Variants in LRTM3 observed in about 807,000 individuals in gnomAD.
LRTM3 encodes the protein leucine-rich repeat transmembrane protein 3.
At chr13:102,750,652 T>C in the LRTM3 span, among the ~76,000 whole-genome samples, 2 of 152,118 alleles carry the variant, frequency 1.3e-5, no homozygotes, top group African/African-American at 2.4e-5. Flanking sequence ...TTTGACAAGA[T>C]TGGGTCAAAG....
chr13:102,729,725 T>C, the LRTM3 span: 1 of 1,552,034 alleles, frequency 6.4e-7, no homozygotes, highest in Non-Finnish European at 8.7e-7. Flanking sequence ...TGATTTATGT[T>C]TGCTTTGGAA....
At chr13:102,732,692 G>T in the LRTM3 span, 1 of 1,551,146 alleles carries the variant, frequency 6.4e-7, no homozygotes, top group South Asian at 1.2e-5. Flanking sequence ...ACTACTGCTT[G>T]TGTCCATTCT....
the LRTM3 span, among the ~76,000 whole-genome samples, chr13:102,752,379 C>A: frequency 6.6e-6 from 1 of 152,136 alleles, no homozygotes; most frequent in East Asian, 1.9e-4. Flanking sequence ...TTCTTCCTGC[C>A]CTCCAATGGC....
the LRTM3 span, chr13:102,736,498 A>G: frequency 6.4e-7 from 1 of 1,551,134 alleles, no homozygotes; most frequent in South Asian, 1.2e-5. Flanking sequence ...TTTGCCTTGA[A>G]GGCAATGATT....
At chr13:102,750,695 A>C in the LRTM3 span, among the ~76,000 whole-genome samples, 4 of 152,196 alleles carry the variant, frequency 2.6e-5, no homozygotes, top group African/African-American at 9.7e-5. Flanking sequence ...TTTTACAAGG[A>C]ATATCTTTTC....
At chr13:102,732,090 C>A in the LRTM3 span, 1 of 1,551,312 alleles carries the variant, frequency 6.4e-7, no homozygotes, top group Non-Finnish European at 8.7e-7. Context: ...TCTTGTGGAA[C>A]TGTGTTTGTA....
At chr13:102,751,667 T>C in the LRTM3 span, among the ~76,000 whole-genome samples, 1 of 152,190 alleles carries the variant, frequency 6.6e-6, no homozygotes, top group Non-Finnish European at 1.5e-5. Flanking sequence ...GAACACAGAT[T>C]ATCTCTTACT....
chr13:102,753,141 A>G, the LRTM3 span, among the ~76,000 whole-genome samples: 12 of 152,262 alleles, frequency 7.9e-5, no homozygotes, highest in African/African-American at 2.9e-4. Context: ...CTATGCAGCC[A>G]TAAAAAAGAA....
the LRTM3 span, chr13:102,731,795 T>C: frequency 6.4e-7 from 1 of 1,550,650 alleles, no homozygotes; most frequent in Non-Finnish European, 8.7e-7. Context: ...TGTGGTCATG[T>C]CCCATACTGG....
At chr13:102,743,530 A>T in the LRTM3 span, 1 of 1,548,714 alleles carries the variant, frequency 6.5e-7, no homozygotes. Flanking sequence ...AACATTTGGG[A>T]TTCAATATAA....
At chr13:102,744,754 T>A in the LRTM3 span, 1 of 1,550,638 alleles carries the variant, frequency 6.4e-7, no homozygotes, top group Non-Finnish European at 8.7e-7. Flanking sequence ...TTTCATGTTG[T>A]ACATTCATGT....
chr13:102,742,896 C>G, the LRTM3 span: 1 of 1,550,756 alleles, frequency 6.4e-7, no homozygotes, highest in Non-Finnish European at 8.7e-7. Flanking sequence ...TCATCTGTTG[C>G]CTCACTCAGT....
chr13:102,746,751 A>C, the LRTM3 span: 1 of 1,551,166 alleles, frequency 6.4e-7, no homozygotes, highest in Non-Finnish European at 8.7e-7. Context: ...TCTGCAAAAC[A>C]GTAACCCATT....
chr13:102,746,040 C>T, the LRTM3 span: 1 of 1,551,170 alleles, frequency 6.4e-7, no homozygotes. Flanking sequence ...TTAGGACCTC[C>T]AAGGACTTTT....
the LRTM3 span, chr13:102,731,677 T>C: frequency 6.4e-6 from 10 of 1,551,254 alleles, no homozygotes; most frequent in Non-Finnish European, 7.8e-6. Flanking sequence ...AAATGGGAAG[T>C]AAATGTTCTG....
the LRTM3 span, among the ~76,000 whole-genome samples, chr13:102,756,059 A>G: frequency 2.7e-5 from 4 of 150,616 alleles, no homozygotes; most frequent in African/African-American, 9.8e-5. Flanking sequence ...TCCCAAGTTC[A>G]AGCCATTCTC....
At chr13:102,737,535 T>C in the LRTM3 span, 44 of 1,550,868 alleles carry the variant, frequency 2.8e-5, no homozygotes, top group South Asian at 4.8e-4. Context: ...CCGTCCTCTT[T>C]CCCTTGCTCC....
the LRTM3 span, chr13:102,733,413 G>A: frequency 1.3e-6 from 2 of 1,551,318 alleles, no homozygotes; most frequent in East Asian, 2.4e-5. Context: ...TCTTGCTGGT[G>A]AGCGTATCTC....
the LRTM3 span, chr13:102,730,477 A>T: frequency 6.4e-7 from 1 of 1,551,492 alleles, no homozygotes; most frequent in African/African-American, 1.4e-5. Context: ...ATTCACATGT[A>T]TTTCTTTCTT....
Sources: gnomAD v4.1 joint callset for allele counts (sites outside exome capture counted in the v4.1 genomes callset) on GRCh38, gnomAD v4.1.1 for gene constraint, MANE v1.5 for transcripts, NCBI Gene and HGNC (gene_info 2026-07-23, HGNC 2026-07-21) for gene names.